Variants in EIF6 observed in about 807,000 individuals in gnomAD.
The protein encoded by EIF6 is eukaryotic translation initiation factor 6.
EIF6 carries 10 observed loss-of-function variants against 25.5 expected under a neutral mutation model. The observed-to-expected ratio is 0.39, with a 90% CI of 0.24 to 0.66. The LOEUF is 0.66. EIF6 is among the 30% of genes least tolerant of loss of function. The probability of loss-of-function intolerance (pLI) is 0.45; values close to 1 mark genes in which losing one functional copy is unlikely to be tolerated. For synonymous variants in EIF6, 122 were observed against 122.6 expected (o/e 1.00, Z 0.03); for missense variants, 246 against 315.4 (o/e 0.78, Z 1.67).
At chr20:35,284,155 G>T in intron 3 of EIF6, 21 bp downstream of exon 3, 1 of 1,565,200 alleles carries the variant, frequency 6.4e-7, no homozygotes. Flanking sequence ...TCCCTCCCTC[G>T]GCGTCCTCCA....
At position 35,284,181 on chromosome 20, in the gene EIF6, C is replaced by A. The variant is rs200987333; in HGVS notation, c.188G>T (p.Cys63Phe). ...GCGTCCTCCACCTGCCTTACCCACA[C>A]ACATGCGCCCGATGATGCGGCAGCC... ...IAGCRIIGRM[C>F]VGNRHGLLVP... is the part of the protein sequence containing the mutation. Residue 63 changes from cysteine (C) to phenylalanine (F), a missense_variant, in exon 3 of 7, where the codon TGT becomes TTT. Physicochemically the swap from Cys to Phe is radical, Grantham distance 205. Coordinates refer to ENST00000374450, the MANE Select transcript of EIF6 (RefSeq NM_002212.4). 80 of 1,593,318 alleles carry A rather than the reference C, an allele frequency of 5.0e-5. No homozygotes were observed. In the East Asian group the frequency reaches 9.2e-4, roughly 18 times the overall value.
At chr20:35,282,946 T>C (rs2060789330) in intron 3 of EIF6, among the ~76,000 whole-genome samples, 1 of 152,048 alleles carries the variant, frequency 6.6e-6, no homozygotes, top group African/African-American at 2.4e-5. Context: ...GTGACCTCAA[T>C]GAGCAGAACT....
rs778363136 is a variant in EIF6 at position 35,284,214 on chromosome 20, G to A, written c.155C>T (p.Ser52Phe). 6.2e-7 allele frequency: 1 copy of A among 1,601,998 alleles called. No individual in the cohort carries two copies. Among genetic ancestry groups the A allele is most frequent in the Non-Finnish European group, 8.5e-7 (1 of 1,172,574 alleles). The change falls in exon 3 of 7, where the codon TCT (serine) becomes TTT (phenylalanine). Residue 52 changes from serine (S) to phenylalanine (F), a missense_variant. Coordinates refer to ENST00000374450, the MANE Select transcript of EIF6 (RefSeq NM_002212.4). ...CCCGATGATGCGGCAGCCGGCGATA[G>A]ACGCGTGCACCACGGGGATGGTATC... The part of the protein sequence containing the change: ...LSDTIPVVHA[S>F]IAGCRIIGRM...
At chr20:35,280,923 C>T in intron 3 of EIF6, 94 bp from the exon 4 acceptor site, 1 of 1,451,500 alleles carries the variant, frequency 6.9e-7, no homozygotes, top group Non-Finnish European at 9.4e-7. Context: ...TCAGCTTTCC[C>T]AGGAAAGCTT....
chr20:35,283,948 T>G (rs1409894149), intron 3 of EIF6, among the ~76,000 whole-genome samples: 1 of 152,202 alleles, frequency 6.6e-6, no homozygotes, highest in Non-Finnish European at 1.5e-5. Flanking sequence ...GACGAAGGAA[T>G]GAGAACAGGA....
Position 35,283,897 on chromosome 20 carries a change from G to A in EIF6, c.193+279C>T, listed in dbSNP as rs1053947751. 3.3e-5 allele frequency among the ~76,000 whole-genome samples: 5 copies of A among 152,144 alleles called. No homozygotes were observed. The South Asian group carries it at 8.3e-4, about 25-fold the overall frequency. On this transcript the variant is annotated intron_variant, in intron 3 of 6. Coordinates refer to ENST00000374450, the MANE Select transcript of EIF6 (RefSeq NM_002212.4). ...AGGTCAAGTCTCAACTTCCTCATCA[G>A]TCAAGTTAGGCCAGTAACTCCTACC... is the stretch of plus-strand genomic sequence containing the variant.
chr20:35,279,272 G>A (rs1332718418), intron 6 of EIF6, 66 bp from the exon 7 acceptor site: 16 of 1,591,750 alleles, frequency 1.0e-5, no homozygotes, highest in Non-Finnish European at 1.4e-5. Context: ...CTCAAGTGAG[G>A]TGCCTGCCTC....
chr20:35,280,906 A>T (rs1021378868), intron 3 of EIF6, 77 bp from the exon 4 acceptor site: 38 of 1,502,952 alleles, frequency 2.5e-5, no homozygotes, highest in Non-Finnish European at 3.3e-5. Flanking sequence ...CACTCAGCCC[A>T]GCCCAATCAG....
chr20:35,284,281 GT>G lies in EIF6; in HGVS notation c.108-21del. ...AACACACTGTAGGGACATGGACTCGGTGGTGGCGGGGCAGAGGGGCCGGCAC... is the reference window on the plus strand; with the variant it reads ...AACACACTGTAGGGACATGGACTCGGGGTGGCGGGGCAGAGGGGCCGGCAC... On this transcript the variant is annotated intron_variant, in intron 2 of 6. Coordinates refer to ENST00000374450, the MANE Select transcript of EIF6 (RefSeq NM_002212.4). The G allele has an allele frequency of 1.2e-6, 2 of 1,613,944 alleles. No individual in the cohort carries two copies. The highest frequency in any genetic ancestry group is 1.7e-6 in the Non-Finnish European group (2 of 1,180,022).
chr20:35,284,143 ACTCCC>A, intron 3 of EIF6, 28 bp downstream of exon 3: 1 of 1,553,434 alleles, frequency 6.4e-7, no homozygotes, highest in Middle Eastern at 1.7e-4. Flanking sequence ...CTTGGAGACC[ACTCCC>A]TCCCTCGGCG....
At chr20:35,280,490 G>A (rs2146261369) in intron 4 of EIF6, among the ~76,000 whole-genome samples, 164 bp downstream of exon 4, 1 of 152,280 alleles carries the variant, frequency 6.6e-6, no homozygotes, top group South Asian at 2.1e-4. Flanking sequence ...TCTGACACTT[G>A]ATAAGGCCTC....
In EIF6 at chr20:35,280,826, T is replaced by C. The variant is rs1413646092; in HGVS notation, c.197A>G (p.Asn66Ser). 6.2e-7 allele frequency: 1 copy of C among 1,613,652 alleles called. No homozygotes were observed. Among genetic ancestry groups the C allele is most frequent in the Non-Finnish European group, 8.5e-7 (1 of 1,179,894 alleles). ...GTTGGGTACCAGGAGACCGTGCCTG[T>C]TCCCTGGAGAAACCCAAATTAGAGG... ...CRIIGRMCVG[N>S]RHGLLVPNNT... The change falls in exon 4 of 7, where the codon AAC becomes AGC. Residue 66 changes from asparagine (N) to serine (S), a missense_variant. By Grantham distance (46) the Asn-to-Ser change is conservative (BLOSUM62 1). Transcript: ENST00000374450.
chr20:35,281,885 CTAAA>C lies in EIF6; in HGVS notation c.194-1060_194-1057del, dbSNP rs778289226. ...TATCTGGCATCATCTGCAACTACTA[CTAAA>C]TAGTCACATAACCTGTGACTCTGCC... On this transcript the variant is annotated intron_variant, in intron 3 of 6. Transcript: ENST00000374450. 3.3e-5 allele frequency among the ~76,000 whole-genome samples: 5 copies of C among 152,244 alleles called. No homozygotes were observed. In the East Asian group the frequency reaches 5.8e-4, roughly 18 times the overall value.
At chr20:35,280,944 G>A in intron 3 of EIF6, 115 bp from the exon 4 acceptor site, 1 of 1,237,406 alleles carries the variant, frequency 8.1e-7, no homozygotes, top group Non-Finnish European at 1.1e-6. Flanking sequence ...TAGGCCCAGA[G>A]CCCAGCCCTC....
chr20:35,283,405 T>C (rs551567414), intron 3 of EIF6, among the ~76,000 whole-genome samples: 31 of 152,218 alleles, frequency 2.0e-4, no homozygotes, highest in Non-Finnish European at 4.3e-4. Context: ...CCAACGTAAC[T>C]GAGCAGGAAG....
rs372664301 is a variant in EIF6, at chr20:35,280,819, G to A, written c.204C>T (p.His68=). 15 of 1,613,756 alleles carry A rather than the reference G, an allele frequency of 9.3e-6. No individual in the cohort carries two copies. Among genetic ancestry groups the A allele is most frequent in the South Asian group, 5.5e-5 (5 of 90,994 alleles). ...IIGRMCVGNR[H]GLLVPNNTTD... ...TGGTATTGTTGGGTACCAGGAGACC[G>A]TGCCTGTTCCCTGGAGAAACCCAAA... Residue 68 remains histidine, a synonymous_variant, in exon 4 of 7, where the codon CAC becomes CAT. Coordinates refer to ENST00000374450, the MANE Select transcript of EIF6 (RefSeq NM_002212.4).
rs1043423 is a variant in EIF6, at chr20:35,279,162, G to C, written c.*35C>G. The C allele has an allele frequency of 2.5e-6, 4 of 1,613,880 alleles. No homozygotes were observed. Among genetic ancestry groups the C allele is most frequent in the Admixed American group, 1.7e-5 (1 of 60,000 alleles). Reference sequence around the variant, plus strand: ...TGTGGAGAAGGTTGGCCACAGTCCAGAGCCAGGAGCCCATGGAACAACTTG... The same window carrying C: ...TGTGGAGAAGGTTGGCCACAGTCCACAGCCAGGAGCCCATGGAACAACTTG... On this transcript the variant is annotated 3_prime_UTR_variant, in exon 7 of 7. Coordinates refer to ENST00000374450, the MANE Select transcript of EIF6 (RefSeq NM_002212.4).
intron 2 of EIF6, 49 bp downstream of exon 2, chr20:35,284,332 T>G: frequency 6.2e-7 from 1 of 1,613,788 alleles, no homozygotes; most frequent in Non-Finnish European, 8.5e-7. Context: ...AGCTCTTGAC[T>G]CCTGCGCACG....
rs187035964 is a variant in EIF6 at position 35,282,225 on chromosome 20, G to A, written c.194-1396C>T. ...AGGATGGTCTCGATCTCCCGACCTC[G>A]TGATCCGCCCGCCTCGGCCTCCCAG... On this transcript the variant is annotated intron_variant, in intron 3 of 6. Coordinates refer to ENST00000374450, the MANE Select transcript of EIF6 (RefSeq NM_002212.4). Among the ~76,000 whole-genome samples, 49 of 152,230 alleles carry A rather than the reference G, an allele frequency of 3.2e-4. 1 individual carries two copies. The highest frequency in any genetic ancestry group is 4.3e-4 in the Non-Finnish European group (29 of 67,994).
Sources: gnomAD v4.1 joint callset for allele counts (sites outside exome capture counted in the v4.1 genomes callset) on GRCh38, gnomAD v4.1.1 for gene constraint, MANE v1.5 for transcripts, NCBI Gene and HGNC (gene_info 2026-07-23, HGNC 2026-07-21) for gene names.